Variants in GRID1 observed in about 807,000 individuals in gnomAD.
GRID1 encodes the protein glutamate receptor ionotropic, delta-1.
Under a neutral mutation model 98.0 loss-of-function variants are expected in GRID1, and 28 were observed. The ratio of observed to expected loss-of-function variants is 0.29; its 90% CI spans 0.21 to 0.39. GRID1 has a LOEUF of 0.39. Among genes scored for constraint, GRID1 ranks in the 10% least tolerant of loss-of-function variants. The pLI is 1.00. For missense variants in GRID1, 1,111 were observed against 1,340.5 expected (o/e 0.83, Z 2.67); for synonymous variants, 553 against 538.5 (o/e 1.03, Z -0.37).
chr10:85,861,150 G>C (rs1395755338), intron 6 of GRID1, among the ~76,000 whole-genome samples: 1 of 152,300 alleles, frequency 6.6e-6, no homozygotes, highest in East Asian at 1.9e-4. Context: ...GGACTACTGT[G>C]AAAATGCATT....
chr10:86,347,044 A>G lies in GRID1; in HGVS notation c.235+16897T>C, dbSNP rs372747903. Among the ~76,000 whole-genome samples the G allele has an allele frequency of 3.3e-5, 5 of 152,088 alleles. No individual in the cohort carries two copies. In the East Asian group the frequency reaches 9.7e-4, roughly 29 times the overall value. ...CTGGCACATGTCCCTTACCCCAGAA[A>G]GCCTACCCTAACTGCCCAGCCCCAC... is the stretch of plus-strand genomic sequence containing the variant. On this transcript the variant is annotated intron_variant, in intron 2 of 15. Transcript: ENST00000327946.
At chr10:85,768,026 C>G (rs1273959825) in intron 8 of GRID1, among the ~76,000 whole-genome samples, 4 of 152,072 alleles carry the variant, frequency 2.6e-5, no homozygotes, top group Admixed American at 2.6e-4. Flanking sequence ...CATAGTAATC[C>G]CCAAACAGAA....
chr10:86,182,851 A>C (rs979775641), intron 3 of GRID1, among the ~76,000 whole-genome samples: 8 of 152,228 alleles, frequency 5.3e-5, no homozygotes, highest in African/African-American at 1.9e-4. Flanking sequence ...TTTGCAGACC[A>C]TAAGGGATAT....
chr10:86,362,263 G>A (rs372609609), intron 2 of GRID1, among the ~76,000 whole-genome samples: 29 of 152,340 alleles, frequency 1.9e-4, no homozygotes, highest in African/African-American at 6.7e-4. Context: ...ACCCCATTTA[G>A]GGTTCCTTCC....
At chr10:86,236,916 G>A (rs576092235) in intron 2 of GRID1, among the ~76,000 whole-genome samples, 1 of 152,290 alleles carries the variant, frequency 6.6e-6, no homozygotes, top group South Asian at 2.1e-4. Flanking sequence ...GCACTCTGGG[G>A]GCCAGGCCAT....
intron 8 of GRID1, among the ~76,000 whole-genome samples, chr10:85,829,911 T>A (rs1463242867): frequency 6.6e-6 from 1 of 152,160 alleles, no homozygotes; most frequent in East Asian, 1.9e-4. Flanking sequence ...TGCAATGCTA[T>A]CCCTATTGAA....
intron 5 of GRID1, among the ~76,000 whole-genome samples, chr10:85,910,370 C>G (rs1841520339): frequency 6.6e-6 from 1 of 152,166 alleles, no homozygotes; most frequent in Non-Finnish European, 1.5e-5. Flanking sequence ...ATCTTCCTCT[C>G]CCACATTATA....
chr10:85,768,428 A>G (rs1214333271), intron 8 of GRID1, among the ~76,000 whole-genome samples: 1 of 151,936 alleles, frequency 6.6e-6, no homozygotes, highest in Admixed American at 6.6e-5. Context: ...AAAAAATGAT[A>G]ATAACAAAAA....
At chr10:85,841,109 C>T (rs1317088904) in intron 8 of GRID1, among the ~76,000 whole-genome samples, 1 of 152,152 alleles carries the variant, frequency 6.6e-6, no homozygotes, top group Admixed American at 6.5e-5. Flanking sequence ...CTACAGTAAC[C>T]AAATCAGCAT....
intron 2 of GRID1, among the ~76,000 whole-genome samples, chr10:86,263,334 G>C (rs925088774): frequency 4.6e-5 from 7 of 152,188 alleles, no homozygotes; most frequent in Non-Finnish European, 2.9e-5. Flanking sequence ...ACCGGCCTTG[G>C]AGTGGCGGGG....
At chr10:86,332,471 C>G (rs547224415) in intron 2 of GRID1, among the ~76,000 whole-genome samples, 1 of 152,200 alleles carries the variant, frequency 6.6e-6, no homozygotes, top group African/African-American at 2.4e-5. Context: ...GGGATGGCCT[C>G]TCACCCCTTG....
intron 4 of GRID1, among the ~76,000 whole-genome samples, chr10:86,051,078 C>CAA (rs547012473): frequency 7.2e-6 from 1 of 139,608 alleles, no homozygotes; most frequent in Non-Finnish European, 1.6e-5. Context: ...AACTCCGTCT[C>CAA]AAAAAAAAAA....
chr10:85,811,661 A>G (rs1481230164), intron 8 of GRID1, among the ~76,000 whole-genome samples: 2 of 152,174 alleles, frequency 1.3e-5, no homozygotes, highest in African/African-American at 2.4e-5. Context: ...AAAGCAGACA[A>G]AAAAAGAGAA....
intron 4 of GRID1, among the ~76,000 whole-genome samples, chr10:86,078,219 G>A (rs1002813479): frequency 9.9e-5 from 15 of 152,260 alleles, no homozygotes; most frequent in Non-Finnish European, 1.5e-5. Context: ...CCAGAGGCCA[G>A]GAGACAGCGA....
chr10:86,229,333 C>A (rs1328737939), intron 2 of GRID1, among the ~76,000 whole-genome samples: 2 of 152,160 alleles, frequency 1.3e-5, no homozygotes, highest in East Asian at 3.9e-4. Context: ...GGCAGCACTG[C>A]AAGCAGAGTG....
chr10:86,023,750 C>T (rs1431245698), intron 4 of GRID1, among the ~76,000 whole-genome samples: 2 of 152,122 alleles, frequency 1.3e-5, no homozygotes, highest in East Asian at 3.9e-4. Flanking sequence ...AGAACCCAGG[C>T]CTCCTCCCAG....
intron 12 of GRID1, among the ~76,000 whole-genome samples, chr10:85,677,366 T>C (rs1238432003): frequency 6.6e-6 from 1 of 152,134 alleles, no homozygotes; most frequent in Non-Finnish European, 1.5e-5. Context: ...GGCATCCTTG[T>C]GATTCAGTTG....
intron 3 of GRID1, among the ~76,000 whole-genome samples, chr10:86,170,831 C>T (rs1377630846): frequency 1.3e-5 from 2 of 152,174 alleles, no homozygotes; most frequent in South Asian, 2.1e-4. Context: ...TTTCTGGATC[C>T]GTGCTTCCTG....
At chr10:85,865,912 C>CATATATAT (rs375258556) in intron 6 of GRID1, among the ~76,000 whole-genome samples, 895 of 83,068 alleles carry the variant, frequency 0.011, 27 homozygotes, top group African/African-American at 0.027. Flanking sequence ...TACATATATA[C>CATATATAT]ATATATATAT....
Sources: allele counts gnomAD v4.1 joint callset (sites outside exome capture counted in the v4.1 genomes callset), GRCh38; gene constraint gnomAD v4.1.1; transcripts MANE v1.5; gene names NCBI Gene and HGNC (gene_info 2026-07-23, HGNC 2026-07-21).